Variants in MYH10 observed in about 807,000 individuals in gnomAD.
The protein encoded by MYH10 is myosin-10.
In MYH10, 55 loss-of-function variants were observed where a neutral mutation model predicts 257.8. The ratio of observed to expected loss-of-function variants is 0.21; its 90% confidence interval spans 0.17 to 0.27. MYH10 has a LOEUF of 0.27. Among genes scored for constraint, MYH10 ranks in the 10% least tolerant of loss-of-function variants. MYH10 has a pLI of 1.00. For synonymous variants in MYH10, 854 were observed against 921.7 expected, an observed-to-expected ratio of 0.93 and a Z score of 1.33; for missense variants, 1,631 against 2,500.6, an observed-to-expected ratio of 0.65 and a Z score of 7.42.
chr17:8,498,834 C>T (rs142730113), intron 30 of MYH10, among the ~76,000 whole-genome samples: 60 of 151,908 alleles, frequency 3.9e-4, no homozygotes, highest in African/African-American at 1.3e-3. Flanking sequence ...GGCAACAGAG[C>T]GAGACTCTGT....
At chr17:8,496,007 C>T (rs1458307228) in intron 30 of MYH10, among the ~76,000 whole-genome samples, 1 of 152,186 alleles carries the variant, frequency 6.6e-6, no homozygotes, top group African/African-American at 2.4e-5. Flanking sequence ...CCACACCCGG[C>T]TGGAAGTTCT....
At chr17:8,590,924 G>A (rs548634973) in intron 3 of MYH10, among the ~76,000 whole-genome samples, 6 of 125,470 alleles carry the variant, frequency 4.8e-5, no homozygotes, top group Non-Finnish European at 9.5e-5. Flanking sequence ...CCAGGCTGGA[G>A]TGCAGTGGCG....
chr17:8,626,582 AATAAT>A (rs2085688187), intron 1 of MYH10, among the ~76,000 whole-genome samples: 2 of 74,356 alleles, frequency 2.7e-5, no homozygotes, highest in African/African-American at 6.4e-5. Flanking sequence ...AATAATAAAT[AATAAT>A]AATAATAATA....
chr17:8,541,228 C>T (rs9905423), intron 14 of MYH10, among the ~76,000 whole-genome samples: 63,362 of 152,024 alleles, frequency 0.42, 13,166 homozygotes, highest in East Asian at 0.5. Flanking sequence ...CAAGTGGCAA[C>T]CAGAGATTGA....
At chr17:8,585,386 C>T (rs1156739564) in intron 4 of MYH10, among the ~76,000 whole-genome samples, 1 of 148,510 alleles carries the variant, frequency 6.7e-6, no homozygotes. Flanking sequence ...TTAACATGAG[C>T]ATGGGGAGAA....
chr17:8,475,445 G>GTGAC lies in MYH10; in HGVS notation c.*355_*358dup, dbSNP rs1912392280. On this transcript the variant is annotated 3_prime_UTR_variant, in exon 43 of 43. Coordinates refer to ENST00000360416, the MANE Select transcript of MYH10 (RefSeq NM_001256012.3). ...GACAGAGAGCATGCAGAGCGACTGAGTGACGACCACGGCGCTGCCCCAATA... is the reference window on the plus strand; with the variant it reads ...GACAGAGAGCATGCAGAGCGACTGAGTGACTGACGACCACGGCGCTGCCCCAATA... 4.8e-6 allele frequency: 1 copy of GTGAC among 206,550 alleles called. No individual in the cohort carries two copies. The highest frequency in any genetic ancestry group is 5.3e-5 in the Admixed American group (1 of 18,924). 12.8% of individuals were successfully genotyped at this position (206,550 alleles called of 1,614,324 possible).
chr17:8,623,264 AAAAGC>A lies in MYH10; in HGVS notation c.-23_-19del. On this transcript the variant is annotated 5_prime_UTR_variant, in exon 2 of 43. Transcript: ENST00000360416. Reference sequence around the variant, plus strand: ...TGCGCCATTGTAAATGGAACGATCCAAAAGCAATTGCCTCTAAGAGAAGAGGAGGA... The same window carrying A: ...TGCGCCATTGTAAATGGAACGATCCAAATTGCCTCTAAGAGAAGAGGAGGA... 1 of 1,556,324 alleles carries A rather than the reference AAAAGC, an allele frequency of 6.4e-7. No individual in the cohort carries two copies. The highest frequency in any genetic ancestry group is 2.3e-5 in the East Asian group (1 of 44,142).
chr17:8,593,973 G>A (rs2084266503), intron 3 of MYH10, among the ~76,000 whole-genome samples: 1 of 152,110 alleles, frequency 6.6e-6, no homozygotes, highest in Non-Finnish European at 1.5e-5. Context: ...ACTGGCAAAA[G>A]GAAAGACATA....
intron 17 of MYH10, 53 bp from the exon 18 acceptor site, chr17:8,521,338 G>C: frequency 6.4e-7 from 1 of 1,565,938 alleles, no homozygotes; most frequent in South Asian, 1.1e-5. Context: ...CTCGTTAGCA[G>C]GGAAAGAAAA....
At chr17:8,621,448 C>T (rs1327358221) in intron 2 of MYH10, among the ~76,000 whole-genome samples, 1 of 152,040 alleles carries the variant, frequency 6.6e-6, no homozygotes, top group Non-Finnish European at 1.5e-5. Flanking sequence ...CATGCAGATC[C>T]AAAGCCCCCC....
chr17:8,512,357 TG>T, intron 24 of MYH10, 93 bp downstream of exon 24: 2 of 1,023,548 alleles, frequency 2.0e-6, no homozygotes, highest in Non-Finnish European at 2.8e-6. Flanking sequence ...TGCTTCTCTG[TG>T]GACTTAAGAA....
intron 4 of MYH10, among the ~76,000 whole-genome samples, chr17:8,580,587 A>G (rs778011346): frequency 2.9e-4 from 44 of 152,166 alleles, no homozygotes; most frequent in Non-Finnish European, 5.3e-4. Flanking sequence ...GGTCCTACGT[A>G]TTTTTAAAGT....
intron 4 of MYH10, among the ~76,000 whole-genome samples, chr17:8,582,804 C>T (rs2083758530): frequency 6.6e-6 from 1 of 152,154 alleles, no homozygotes; most frequent in Admixed American, 6.5e-5. Context: ...GGGGATTTCC[C>T]CAATGAGAAA....
At chr17:8,592,808 TGAAATCAG>T (rs1567952517) in intron 3 of MYH10, among the ~76,000 whole-genome samples, 1 of 12,764 alleles carries the variant, frequency 7.8e-5, no homozygotes, top group Non-Finnish European at 1.6e-4. Flanking sequence ...ACCCTGATAA[TGAAATCAG>T]AAAAAAAAAA....
chr17:8,522,453 C>T (rs1054180419), intron 17 of MYH10, among the ~76,000 whole-genome samples: 2 of 152,222 alleles, frequency 1.3e-5, no homozygotes, highest in South Asian at 2.1e-4. Flanking sequence ...GCACACTACA[C>T]TACAACTGCT....
At chr17:8,500,000 T>C (rs1917265658) in intron 29 of MYH10, among the ~76,000 whole-genome samples, 1 of 152,186 alleles carries the variant, frequency 6.6e-6, no homozygotes. Flanking sequence ...CTTAATTACC[T>C]AACACCACTG....
chr17:8,524,634 A>C (rs2081779733), intron 17 of MYH10, among the ~76,000 whole-genome samples: 1 of 151,518 alleles, frequency 6.6e-6, no homozygotes, highest in African/African-American at 2.4e-5. Context: ...TCATCGATCC[A>C]CCCTCCTCTC....
chr17:8,478,767 G>A (rs1913140533), intron 40 of MYH10, among the ~76,000 whole-genome samples: 2 of 152,306 alleles, frequency 1.3e-5, no homozygotes, highest in African/African-American at 2.4e-5. Context: ...GTCTTGCTCT[G>A]TCGCCCAGGC....
At chr17:8,590,810 T>G (rs1237841693) in intron 3 of MYH10, among the ~76,000 whole-genome samples, 1 of 151,154 alleles carries the variant, frequency 6.6e-6, no homozygotes, top group Non-Finnish European at 1.5e-5. Context: ...TTGGCCTCGA[T>G]CCAGCTTCAC....
Sources: gnomAD v4.1 joint callset for allele counts (sites outside exome capture counted in the v4.1 genomes callset) on GRCh38, gnomAD v4.1.1 for gene constraint, MANE v1.5 for transcripts, NCBI Gene and HGNC (gene_info 2026-07-23, HGNC 2026-07-21) for gene names.